CLDN16: variants seen among roughly 807,000 people sequenced by gnomAD.
CLDN16 encodes claudin 16.
CLDN16 carries 13 observed loss-of-function variants against 24.6 expected under a neutral mutation model. The ratio of observed to expected loss-of-function variants is 0.53; its 90% confidence interval spans 0.34 to 0.84. The LOEUF is 0.84. Ranked by LOEUF, CLDN16 falls within the 40% of genes least tolerant of loss-of-function variation. CLDN16 has a pLI of 0.01. For missense variants in CLDN16, 298 were observed against 292.7 expected, an observed-to-expected ratio of 1.02 and a Z score of -0.13; for synonymous variants, 116 against 106.7, an observed-to-expected ratio of 1.09 and a Z score of -0.54.
intron 1 of CLDN16, among the ~76,000 whole-genome samples, chr3:190,344,098 A>G (rs547420333): frequency 3.1e-4 from 47 of 151,986 alleles, no homozygotes; most frequent in Non-Finnish European, 6.5e-4. Flanking sequence ...TGCACAATAC[A>G]TTTTTTAATG....
chr3:190,346,446 A>G (rs941992369), intron 1 of CLDN16, among the ~76,000 whole-genome samples: 1 of 152,172 alleles, frequency 6.6e-6, no homozygotes, highest in Non-Finnish European at 1.5e-5. Flanking sequence ...AACAGTTTTG[A>G]TCTAGATTCA....
chr3:190,339,561 G>T (rs530234561), intron 1 of CLDN16, among the ~76,000 whole-genome samples: 1 of 152,154 alleles, frequency 6.6e-6, no homozygotes, highest in Admixed American at 6.5e-5. Context: ...GAAAATAATT[G>T]AAAAGGGCTA....
the CLDN16 span, among the ~76,000 whole-genome samples, chr3:190,291,259 T>C: frequency 9.2e-5 from 14 of 152,324 alleles, no homozygotes; most frequent in Non-Finnish European, 2.1e-4. Context: ...CATGTATTAG[T>C]CTGTTCTCAT....
intron 1 of CLDN16, among the ~76,000 whole-genome samples, chr3:190,397,293 GT>G (rs1411341410): frequency 2.0e-5 from 3 of 151,958 alleles, no homozygotes; most frequent in Non-Finnish European, 4.4e-5. Flanking sequence ...AATTAGCATT[GT>G]TTTAACGTTA....
chr3:190,340,968 C>A (rs78410089), intron 1 of CLDN16, among the ~76,000 whole-genome samples: 1 of 152,186 alleles, frequency 6.6e-6, no homozygotes, highest in Admixed American at 6.5e-5. Flanking sequence ...CCAGGTCTCA[C>A]GACCAGGTCA....
At chr3:190,400,990 A>T (rs1168309254) in intron 1 of CLDN16, among the ~76,000 whole-genome samples, 1 of 152,232 alleles carries the variant, frequency 6.6e-6, no homozygotes, top group African/African-American at 2.4e-5. Context: ...TGTAAAATGG[A>T]TGATAAATAA....
At chr3:190,407,213 G>C (rs903878296) in intron 3 of CLDN16, among the ~76,000 whole-genome samples, 6 of 151,998 alleles carry the variant, frequency 3.9e-5, no homozygotes, top group African/African-American at 1.4e-4. Context: ...TCTCTCATTA[G>C]ACAGTAAAAC....
chr3:190,357,306 A>G (rs534954746), intron 1 of CLDN16, among the ~76,000 whole-genome samples: 1 of 152,032 alleles, frequency 6.6e-6, no homozygotes, highest in East Asian at 1.9e-4. Flanking sequence ...TCATTAAGCC[A>G]GGCCCTTCTC....
At chr3:190,323,043 C>T (rs1716978342) in intron 1 of CLDN16, among the ~76,000 whole-genome samples, 1 of 148,824 alleles carries the variant, frequency 6.7e-6, no homozygotes, top group South Asian at 2.1e-4. Context: ...CACTCACGCA[C>T]GGAGCATATC....
chr3:190,322,850 C>T lies in CLDN16; in HGVS notation n.121+189C>T, dbSNP rs145760526. 9.3e-3 allele frequency among the ~76,000 whole-genome samples: 1,412 copies of T among 152,236 alleles called. 43 individuals carry two copies. Among genetic ancestry groups the T allele is most frequent in the Admixed American group, 0.061 (938 of 15,292 alleles). ...CAACTCCGCGTCTCCTCCCCCATCA[C>T]ACCATTTCTCTCTCCTTTGCTTGGC... On this transcript the variant is annotated intron_variant and non_coding_transcript_variant, in intron 1 of 4. Transcript: ENST00000468220.
upstream of CLDN16, among the ~76,000 whole-genome samples, chr3:190,385,270 A>G (rs995472361): frequency 6.8e-6 from 1 of 146,648 alleles, no homozygotes; most frequent in Admixed American, 6.8e-5. Context: ...TGAGCAGTTT[A>G]TTCTGCATCT....
chr3:190,296,281 C>T, the CLDN16 span, among the ~76,000 whole-genome samples: 7 of 152,126 alleles, frequency 4.6e-5, no homozygotes, highest in Non-Finnish European at 7.4e-5. Context: ...AATATTCTGT[C>T]ATTCTTGTCA....
chr3:190,292,313 A>G, the CLDN16 span, among the ~76,000 whole-genome samples: 1 of 152,186 alleles, frequency 6.6e-6, no homozygotes, highest in African/African-American at 2.4e-5. Context: ...CTTGGGACTT[A>G]CACCTTCTGA....
rs1560085135 is a variant in CLDN16, at chr3:190,350,344, T to TATATATATATATATATA, written n.122-20549_122-20548insATATATATATATATATA. 4.1e-3 allele frequency among the ~76,000 whole-genome samples: 580 copies of TATATATATATATATATA among 142,032 alleles called. 6 individuals carry two copies. The highest frequency in any genetic ancestry group is 0.012 in the Middle Eastern group (3 of 260). The allele number at this position is 142,032 out of a possible 152,430, so 93.2% of individuals were successfully genotyped here. On this transcript the variant is annotated intron_variant and non_coding_transcript_variant, in intron 1 of 4. Coordinates refer to the CLDN16 transcript ENST00000468220. ...AGTTTAAGAATCATAGTTCATAATGTTATATATATATATATATATATACTT... is the reference window on the plus strand; with the variant it reads ...AGTTTAAGAATCATAGTTCATAATGTATATATATATATATATATATATATATATATATATATATACTT...
chr3:190,404,888 G>T lies in CLDN16; in HGVS notation c.344G>T (p.Arg115Leu), dbSNP rs556413628. Residue 115 changes from arginine to leucine, a missense_variant, in exon 3 of 5, where the codon CGC becomes CTC. Arg to Leu is a moderately radical substitution (Grantham distance 102). Transcript: ENST00000264734. ...FLPDEPYIKV[R>L]ICFVAGATLL... ...CCTGATGAGCCGTACATTAAAGTCC[G>T]CATCTGCTTTGTTGCTGGAGCCACG... The T allele has an allele frequency of 1.2e-6, 2 of 1,614,062 alleles. No homozygotes were observed. The highest frequency in any genetic ancestry group is 1.7e-6 in the Non-Finnish European group (2 of 1,180,010).
chr3:190,349,509 C>T (rs908436479), intron 1 of CLDN16, among the ~76,000 whole-genome samples: 4 of 152,126 alleles, frequency 2.6e-5, no homozygotes, highest in African/African-American at 7.2e-5. Context: ...AATACAGATC[C>T]CCATTCATGG....
upstream of CLDN16, chr3:190,322,285 C>T (rs1436262938): frequency 1.8e-5 from 23 of 1,287,582 alleles, no homozygotes; most frequent in Middle Eastern, 2.6e-4. Context: ...AACCCGGACT[C>T]CCGAAGGTGG....
chr3:190,343,999 G>A (rs1420134599), intron 1 of CLDN16, among the ~76,000 whole-genome samples: 1 of 151,844 alleles, frequency 6.6e-6, no homozygotes, highest in Non-Finnish European at 1.5e-5. Context: ...GAATAAATAT[G>A]TAAGATGATG....
At chr3:190,398,505 C>T (rs1015454665) in intron 1 of CLDN16, among the ~76,000 whole-genome samples, 3 of 152,176 alleles carry the variant, frequency 2.0e-5, no homozygotes, top group African/African-American at 7.2e-5. Flanking sequence ...TGTCAGCCCA[C>T]CTGTATAACC....
Sources: allele counts gnomAD v4.1 joint callset (sites outside exome capture counted in the v4.1 genomes callset), GRCh38; gene constraint gnomAD v4.1.1; transcripts MANE v1.5; gene names NCBI Gene and HGNC (gene_info 2026-07-23, HGNC 2026-07-21).